REV3L: variants seen among roughly 807,000 people sequenced by gnomAD.
The protein encoded by REV3L is DNA polymerase zeta catalytic subunit.
Under a neutral mutation model 299.4 loss-of-function variants are expected in REV3L, and 69 were observed. The observed-to-expected ratio is 0.23, with a 90% CI of 0.19 to 0.28. REV3L has a LOEUF of 0.28. Ranked by LOEUF, REV3L falls within the 10% of genes least tolerant of loss-of-function variation. REV3L has a pLI of 1.00. For missense variants in REV3L, 3,128 were observed against 3,693.8 expected, an observed-to-expected ratio of 0.85 and a Z score of 3.97; for synonymous variants, 1,238 against 1,271.4, an observed-to-expected ratio of 0.97 and a Z score of 0.56.
intron 1 of REV3L, among the ~76,000 whole-genome samples, chr6:111,476,280 C>G (rs1431987034): frequency 1.3e-5 from 2 of 152,178 alleles, no homozygotes; most frequent in Non-Finnish European, 2.9e-5. Context: ...CTCAGCCTCC[C>G]AAGTAGCTGG....
chr6:111,389,460 C>T (rs1226172597), intron 6 of REV3L, among the ~76,000 whole-genome samples: 3 of 152,020 alleles, frequency 2.0e-5, no homozygotes, highest in Non-Finnish European at 4.4e-5. Flanking sequence ...CTAAGAGTCC[C>T]TTTGCTGATA....
chr6:111,415,911 G>T (rs904384785), intron 2 of REV3L, among the ~76,000 whole-genome samples: 1 of 152,036 alleles, frequency 6.6e-6, no homozygotes, highest in Non-Finnish European at 1.5e-5. Context: ...TCTGTTTCCC[G>T]TAGTAGAATG....
chr6:111,424,957 T>G (rs906231417), intron 1 of REV3L, among the ~76,000 whole-genome samples: 1 of 151,966 alleles, frequency 6.6e-6, no homozygotes, highest in African/African-American at 2.4e-5. Context: ...TTTGATACAG[T>G]TAAGGGAATT....
At chr6:111,327,049 C>CTGG (rs1774904572) in intron 25 of REV3L, among the ~76,000 whole-genome samples, 1 of 152,196 alleles carries the variant, frequency 6.6e-6, no homozygotes, top group African/African-American at 2.4e-5. Context: ...GCTTGGCAGT[C>CTGG]TGAGTTCACC....
chr6:111,407,713 T>A (rs2128277049), intron 3 of REV3L, among the ~76,000 whole-genome samples: 1 of 152,210 alleles, frequency 6.6e-6, no homozygotes, highest in East Asian at 1.9e-4. Flanking sequence ...GGCAGGTGGA[T>A]CACTTGAGGT....
chr6:111,324,950 C>T (rs552797520), intron 25 of REV3L, among the ~76,000 whole-genome samples: 2 of 151,886 alleles, frequency 1.3e-5, no homozygotes, highest in South Asian at 4.2e-4. Flanking sequence ...CAACCTCTAC[C>T]TCCCGGGTTC....
chr6:111,419,970 G>C (rs942624182), intron 1 of REV3L, among the ~76,000 whole-genome samples: 2 of 152,014 alleles, frequency 1.3e-5, no homozygotes, highest in East Asian at 3.9e-4. Flanking sequence ...TCAGCCTCCG[G>C]AGTAGCTGGG....
intron 20 of REV3L, among the ~76,000 whole-genome samples, chr6:111,346,482 T>G (rs933927923): frequency 6.6e-6 from 1 of 152,072 alleles, no homozygotes; most frequent in African/African-American, 2.4e-5. Context: ...CAAACAAAAT[T>G]TATGATTACT....
intron 26 of REV3L, among the ~76,000 whole-genome samples, chr6:111,316,309 T>C (rs1004868840): frequency 1.3e-4 from 19 of 150,094 alleles, no homozygotes; most frequent in African/African-American, 4.7e-4. Flanking sequence ...TATAAGAAAA[T>C]GGAAGATGTA....
At chr6:111,451,275 C>T (rs745889270) in intron 1 of REV3L, among the ~76,000 whole-genome samples, 8 of 152,174 alleles carry the variant, frequency 5.3e-5, no homozygotes, top group Non-Finnish European at 1.2e-4. Context: ...TGAGTCAGAA[C>T]ATTTTAACTG....
At chr6:111,321,243 C>T (rs240962) in intron 26 of REV3L, among the ~76,000 whole-genome samples, 29,503 of 152,058 alleles carry the variant, frequency 0.19, 3,321 homozygotes, top group East Asian at 0.36. Context: ...AAATCCCTTC[C>T]GGCTCTGACA....
intron 1 of REV3L, among the ~76,000 whole-genome samples, chr6:111,464,064 T>C (rs1791118645): frequency 6.6e-6 from 1 of 151,976 alleles, no homozygotes; most frequent in South Asian, 2.1e-4. Flanking sequence ...CTTTACAACC[T>C]GGAGGCTTGC....
intron 21 of REV3L, among the ~76,000 whole-genome samples, chr6:111,343,596 C>T (rs1186394776): frequency 6.6e-6 from 1 of 152,194 alleles, no homozygotes; most frequent in East Asian, 1.9e-4. Flanking sequence ...GTGGCACGAT[C>T]TCGGCTCACT....
In REV3L at chr6:111,300,007, A is replaced by C; in HGVS notation, c.*9T>G. On this transcript the variant is annotated 3_prime_UTR_variant, in exon 32 of 32. Transcript: ENST00000368802. ...AAAATAGCACCTGTAATACTGTGAT[A>C]TTGACAATTTAAAACTGGTCTAATA... The C allele has an allele frequency of 1.2e-6, 2 of 1,610,412 alleles. No homozygotes were observed. Among genetic ancestry groups the C allele is most frequent in the Non-Finnish European group, 1.7e-6 (2 of 1,178,592 alleles).
chr6:111,429,673 G>C (rs1329818611), intron 1 of REV3L, among the ~76,000 whole-genome samples: 1 of 152,132 alleles, frequency 6.6e-6, no homozygotes, highest in African/African-American at 2.4e-5. Flanking sequence ...GGGTGGGGTG[G>C]AGTTATAGGA....
chr6:111,483,333 G>T, upstream of REV3L: 1 of 479,086 alleles, frequency 2.1e-6, no homozygotes, highest in Non-Finnish European at 3.7e-6. Context: ...GCGCCCGGGC[G>T]GGACACGGAG....
intron 31 of REV3L, among the ~76,000 whole-genome samples, chr6:111,301,562 T>C (rs1319619737): frequency 6.6e-6 from 1 of 151,732 alleles, no homozygotes; most frequent in African/African-American, 2.4e-5. Context: ...GACCAGTGGT[T>C]CTTAACCCTG....
At chr6:111,396,610 C>T (rs557460448) in intron 4 of REV3L, among the ~76,000 whole-genome samples, 1 of 152,194 alleles carries the variant, frequency 6.6e-6, no homozygotes, top group South Asian at 2.1e-4. Context: ...GCAGTAAAGC[C>T]ATCCAGACCT....
At chr6:111,456,016 A>G (rs17539176) in intron 1 of REV3L, among the ~76,000 whole-genome samples, 8,533 of 152,318 alleles carry the variant, frequency 0.056, 274 homozygotes, top group Middle Eastern at 0.085. Flanking sequence ...GCTGATATTC[A>G]GTAATGGTGC....
Sources: allele counts gnomAD v4.1 joint callset (sites outside exome capture counted in the v4.1 genomes callset), GRCh38; gene constraint gnomAD v4.1.1; transcripts MANE v1.5; gene names NCBI Gene and HGNC (gene_info 2026-07-23, HGNC 2026-07-21).